PDE4D: variants seen among roughly 807,000 people sequenced by gnomAD.
The protein encoded by PDE4D is phosphodiesterase 4D.
Under a neutral mutation model 87.4 loss-of-function variants are expected in PDE4D, and 24 were observed. That is an observed-to-expected ratio of 0.27 (90% CI 0.20 to 0.39). The LOEUF (loss-of-function observed/expected upper bound fraction) is 0.39, where lower values mean the gene tolerates loss of function less well. Among genes scored for constraint, PDE4D ranks in the 10% least tolerant of loss-of-function variants. PDE4D has a pLI of 1.00. For missense variants in PDE4D, 714 were observed against 1,041.0 expected (o/e 0.69, Z 4.32); for synonymous variants, 384 against 383.2 (o/e 1.00, Z -0.02).
chr5:59,875,155 C>G (rs1446505536), intron 1 of PDE4D, among the ~76,000 whole-genome samples: 1 of 152,034 alleles, frequency 6.6e-6, no homozygotes, highest in Non-Finnish European at 1.5e-5. Flanking sequence ...GTTCACATTT[C>G]AAATGAACAC....
intron 5 of PDE4D, among the ~76,000 whole-genome samples, chr5:59,092,127 A>G (rs1768862836): frequency 6.6e-6 from 1 of 152,230 alleles, no homozygotes; most frequent in African/African-American, 2.4e-5. Context: ...TTTGAAACAT[A>G]AACAGACATG....
chr5:59,333,676 G>T (rs1026907522), intron 1 of PDE4D, among the ~76,000 whole-genome samples: 4 of 152,100 alleles, frequency 2.6e-5, no homozygotes, highest in African/African-American at 9.7e-5. Context: ...GTAGCCTAAG[G>T]CAAGATTCAT....
chr5:59,776,146 A>C (rs145695451), intron 1 of PDE4D, among the ~76,000 whole-genome samples: 2 of 152,178 alleles, frequency 1.3e-5, no homozygotes, highest in Non-Finnish European at 2.9e-5. Context: ...AATCTTCTGA[A>C]ACCTAGATTT....
chr5:59,013,746 A>C (rs1753353948), intron 6 of PDE4D, among the ~76,000 whole-genome samples: 1 of 151,970 alleles, frequency 6.6e-6, no homozygotes, highest in African/African-American at 2.4e-5. Context: ...TTCCTTCTGA[A>C]ACTATTCCAA....
At chr5:59,050,393 C>T (rs1761360150) in intron 5 of PDE4D, among the ~76,000 whole-genome samples, 1 of 152,208 alleles carries the variant, frequency 6.6e-6, no homozygotes. Context: ...AATCTCATTA[C>T]TTGCATTACA....
intron 1 of PDE4D, among the ~76,000 whole-genome samples, chr5:59,252,774 A>G (rs1268975025): frequency 6.6e-6 from 1 of 151,904 alleles, no homozygotes; most frequent in African/African-American, 2.4e-5. Context: ...TGATCCTCCC[A>G]CCTCGGCCTC....
intron 2 of PDE4D, among the ~76,000 whole-genome samples, chr5:60,106,560 T>C (rs1295981031): frequency 6.6e-6 from 1 of 151,958 alleles, no homozygotes; most frequent in African/African-American, 2.4e-5. Flanking sequence ...TATACATTTT[T>C]TTCAGCACCA....
At chr5:59,533,751 T>C (rs908771609) in intron 1 of PDE4D, among the ~76,000 whole-genome samples, 1 of 152,182 alleles carries the variant, frequency 6.6e-6, no homozygotes, top group Non-Finnish European at 1.5e-5. Context: ...ATTAGAAATT[T>C]TGGGGAAGGG....
At position 60,098,781 on chromosome 5, in the gene PDE4D, C is replaced by A. The variant is rs1775950973; in HGVS notation, c.42+86776G>T. ...TTACTTCCATTTCTTGCCTAGTGGC[C>A]CTGGCTAGGACTCCCAGTACTATGT... is the stretch of plus-strand genomic sequence containing the variant. On this transcript the variant is annotated intron_variant, in intron 2 of 16. Transcript: ENST00000502484. Among the ~76,000 whole-genome samples, 3 of 152,052 alleles carry A rather than the reference C, an allele frequency of 2.0e-5. No individual in the cohort carries two copies. The South Asian group carries it at 6.2e-4, about 32-fold the overall frequency.
intron 1 of PDE4D, among the ~76,000 whole-genome samples, chr5:60,416,177 C>G (rs200765446): frequency 1.3e-5 from 2 of 151,612 alleles, no homozygotes; most frequent in Non-Finnish European, 2.9e-5. Context: ...TGTAAATGCA[C>G]CAATCAGCAC....
chr5:59,507,818 G>C (rs1809558699), intron 1 of PDE4D, among the ~76,000 whole-genome samples: 1 of 151,962 alleles, frequency 6.6e-6, no homozygotes, highest in Non-Finnish European at 1.5e-5. Flanking sequence ...GTTACTCTGG[G>C]GTGGGGGCAG....
At chr5:59,949,544 AG>A (rs1285786120) in intron 3 of PDE4D, among the ~76,000 whole-genome samples, 1 of 152,178 alleles carries the variant, frequency 6.6e-6, no homozygotes, top group Non-Finnish European at 1.5e-5. Context: ...AGACATGATA[AG>A]TAGACAATTC....
intron 1 of PDE4D, among the ~76,000 whole-genome samples, chr5:59,471,656 C>G (rs1802462900): frequency 1.3e-5 from 2 of 152,232 alleles, no homozygotes; most frequent in South Asian, 4.1e-4. Context: ...TTTTCCCTCT[C>G]TGCTGTACAA....
chr5:60,067,433 CAAAATAATA>C (rs1382090908), intron 2 of PDE4D, among the ~76,000 whole-genome samples: 1 of 151,890 alleles, frequency 6.6e-6, no homozygotes, highest in Non-Finnish European at 1.5e-5. Flanking sequence ...CTCTATGTCT[CAAAATAATA>C]AATGAACTGT....
At chr5:59,171,363 T>C (rs1026113134) in intron 5 of PDE4D, among the ~76,000 whole-genome samples, 3 of 152,128 alleles carry the variant, frequency 2.0e-5, no homozygotes, top group African/African-American at 7.2e-5. Context: ...CCCTGAAGAG[T>C]ATGGGGCTGC....
intron 1 of PDE4D, among the ~76,000 whole-genome samples, chr5:59,433,340 T>C (rs1796375822): frequency 6.6e-6 from 1 of 152,090 alleles, no homozygotes; most frequent in African/African-American, 2.4e-5. Context: ...ACCAAAAGCC[T>C]GGCAGGGGCT....
At chr5:59,006,618 G>T (rs1394776272) in intron 6 of PDE4D, among the ~76,000 whole-genome samples, 2 of 152,024 alleles carry the variant, frequency 1.3e-5, no homozygotes, top group Non-Finnish European at 2.9e-5. Flanking sequence ...TGTTCAGTTA[G>T]TTCTCTTTTT....
At chr5:60,016,197 A>G (rs1374120698) in intron 2 of PDE4D, among the ~76,000 whole-genome samples, 3 of 152,194 alleles carry the variant, frequency 2.0e-5, no homozygotes, top group African/African-American at 7.2e-5. Context: ...CAGTGAATAT[A>G]AAAGTTATGT....
At chr5:59,545,665 TGAACTTTGAA>T (rs1817141570) in intron 1 of PDE4D, among the ~76,000 whole-genome samples, 1 of 152,228 alleles carries the variant, frequency 6.6e-6, no homozygotes, top group African/African-American at 2.4e-5. Flanking sequence ...ATTTTTACTT[TGAACTTTGAA>T]GAACTTTGAA....
Sources: gnomAD v4.1 joint callset for allele counts (sites outside exome capture counted in the v4.1 genomes callset) on GRCh38, gnomAD v4.1.1 for gene constraint, MANE v1.5 for transcripts, NCBI Gene and HGNC (gene_info 2026-07-23, HGNC 2026-07-21) for gene names.